MAP4K5: variants seen among roughly 807,000 people sequenced by gnomAD.
The protein encoded by MAP4K5 is mitogen-activated protein kinase kinase kinase kinase 5, also known as MAPK/ERK kinase kinase kinase 5.
A neutral mutation model predicts 135.6 loss-of-function variants in MAP4K5; 82 were observed. The observed-to-expected ratio is 0.60, with a 90% CI of 0.51 to 0.73. The LOEUF (loss-of-function observed/expected upper bound fraction) is 0.73. Among genes scored for constraint, MAP4K5 ranks in the 30% least tolerant of loss-of-function variants. The pLI is 0.00. For missense variants in MAP4K5, 907 were observed against 1,010.9 expected, an observed-to-expected ratio of 0.90 and a Z score of 1.39; for synonymous variants, 347 against 335.0, an observed-to-expected ratio of 1.04 and a Z score of -0.39.
chr14:50,423,312 T>C (rs2035774186), intron 31 of MAP4K5, 136 bp from the exon 32 acceptor site: 1 of 519,978 alleles, frequency 1.9e-6, no homozygotes, highest in African/African-American at 1.9e-5. Context: ...AAAGAAATTT[T>C]AGTAAGTTTT....
chr14:50,523,323 T>C (rs1374877638), intron 2 of MAP4K5, among the ~76,000 whole-genome samples: 1 of 151,286 alleles, frequency 6.6e-6, no homozygotes, highest in Non-Finnish European at 1.5e-5. Flanking sequence ...AAAAAAAAAA[T>C]CATAAATAAA....
intron 28 of MAP4K5, 51 bp from the exon 29 acceptor site, chr14:50,429,311 TAGAAA>T: frequency 9.2e-7 from 1 of 1,083,920 alleles, no homozygotes; most frequent in Non-Finnish European, 1.3e-6. Flanking sequence ...ACCTAGAGCC[TAGAAA>T]ATAAACATAA....
chr14:50,546,892 G>A (rs1344680865), intron 1 of MAP4K5, among the ~76,000 whole-genome samples: 2 of 151,958 alleles, frequency 1.3e-5, no homozygotes, highest in Admixed American at 6.6e-5. Flanking sequence ...GAACATGCAG[G>A]TTTGTTACAT....
At chr14:50,501,801 C>T (rs891351510) in intron 3 of MAP4K5, among the ~76,000 whole-genome samples, 2 of 152,124 alleles carry the variant, frequency 1.3e-5, no homozygotes, top group Non-Finnish European at 2.9e-5. Context: ...ACTGAAGCCA[C>T]TGACCAATAT....
At chr14:50,462,442 A>T (rs746639928) in intron 13 of MAP4K5, among the ~76,000 whole-genome samples, 15 of 152,248 alleles carry the variant, frequency 9.9e-5, no homozygotes, top group Non-Finnish European at 1.9e-4. Flanking sequence ...CCTAGTTCTA[A>T]GGAGAACTAG....
chr14:50,533,074 G>C (rs1188164463), upstream of MAP4K5: 4 of 152,352 alleles, frequency 2.6e-5, no homozygotes, highest in East Asian at 7.7e-4. Context: ...ACCGATCCCG[G>C]TGGTACCAGT....
intron 3 of MAP4K5, among the ~76,000 whole-genome samples, chr14:50,489,056 C>T (rs2037427731): frequency 6.6e-6 from 1 of 152,168 alleles, no homozygotes; most frequent in African/African-American, 2.4e-5. Context: ...ATTCTTTTAA[C>T]TGGGTGATAC....
At chr14:50,474,267 G>A (rs539455033) in intron 9 of MAP4K5, among the ~76,000 whole-genome samples, 82 of 152,060 alleles carry the variant, frequency 5.4e-4, no homozygotes, top group Non-Finnish European at 7.9e-4. Flanking sequence ...TTGCATGCCT[G>A]TAGTCTCAGC....
chr14:50,537,568 C>T (rs1261199280), upstream of MAP4K5, among the ~76,000 whole-genome samples: 1 of 152,212 alleles, frequency 6.6e-6, no homozygotes, highest in African/African-American at 2.4e-5. Context: ...GCTGCAGACA[C>T]TCAACATGGC....
rs188044535 is a variant in MAP4K5, at chr14:50,484,659, C to T, written c.322+919G>A. On this transcript the variant is annotated intron_variant, in intron 5 of 32. Transcript: ENST00000682126. ...TGAAGTAACTTCATCTTTTTAAGTG[C>T]CGCACAGTATTCCATATTACAGGTT... is the stretch of plus-strand genomic sequence containing the variant. 3.5e-3 allele frequency among the ~76,000 whole-genome samples: 535 copies of T among 152,222 alleles called. 5 individuals carry two copies. The highest frequency in any genetic ancestry group is 0.012 in the African/African-American group (507 of 41,534).
At position 50,426,064 on chromosome 14, in the gene MAP4K5, G is replaced by C; in HGVS notation, c.2327-87C>G. ...TCTCTACTTTTAATAAATAATATAAGCCTATTCAAGTGTCTAGTGCAAAAT... is the reference window on the plus strand; with the variant it reads ...TCTCTACTTTTAATAAATAATATAACCCTATTCAAGTGTCTAGTGCAAAAT... On this transcript the variant is annotated intron_variant, in intron 30 of 32. Transcript: ENST00000682126. 3 of 814,838 alleles carry C rather than the reference G, an allele frequency of 3.7e-6. No homozygotes were observed. The Middle Eastern group carries it at 7.3e-4, about 198-fold the overall frequency. The allele number at this position is 814,838 out of a possible 1,614,324, so 50.5% of individuals were successfully genotyped here. A position where few individuals can be genotyped will look rare whatever the true frequency, so the allele number is the denominator to read the frequency against.
chr14:50,502,074 T>C (rs1195259545), intron 3 of MAP4K5, among the ~76,000 whole-genome samples: 1 of 152,164 alleles, frequency 6.6e-6, no homozygotes, highest in African/African-American at 2.4e-5. Flanking sequence ...ATCACTCTAG[T>C]GGAAGATGAT....
In MAP4K5 at chr14:50,509,779, T is replaced by C. The variant is rs538216958; in HGVS notation, c.109-4922A>G. On this transcript the variant is annotated intron_variant, in intron 2 of 32. Transcript: ENST00000682126. Reference sequence around the variant, plus strand: ...TGCCTAAATGTCAGTACCCTGGTTTTCCCTCTTTCCCTATCCACCTAAGAG... The same window carrying C: ...TGCCTAAATGTCAGTACCCTGGTTTCCCCTCTTTCCCTATCCACCTAAGAG... 6.6e-5 allele frequency among the ~76,000 whole-genome samples: 10 copies of C among 152,098 alleles called. No individual in the cohort carries two copies. The South Asian group carries it at 2.1e-3, about 32-fold the overall frequency.
At chr14:50,515,399 T>C (rs1305777490) in intron 2 of MAP4K5, among the ~76,000 whole-genome samples, 1 of 152,164 alleles carries the variant, frequency 6.6e-6, no homozygotes, top group Non-Finnish European at 1.5e-5. Flanking sequence ...AGTCCTCCCA[T>C]TCCAGCCATT....
chr14:50,496,495 T>C (rs1272379397), intron 3 of MAP4K5, among the ~76,000 whole-genome samples: 1 of 151,964 alleles, frequency 6.6e-6, no homozygotes, highest in African/African-American at 2.4e-5. Flanking sequence ...CACACATATA[T>C]TATTATATAT....
At chr14:50,442,675 G>C (rs1391558210) in intron 21 of MAP4K5, 57 bp downstream of exon 21, 1 of 1,183,832 alleles carries the variant, frequency 8.4e-7, no homozygotes, top group East Asian at 2.4e-5. Flanking sequence ...TGATCATAAA[G>C]ATCTTTCCCA....
At chr14:50,489,243 G>A (rs541169436) in intron 3 of MAP4K5, among the ~76,000 whole-genome samples, 3 of 152,296 alleles carry the variant, frequency 2.0e-5, no homozygotes, top group Non-Finnish European at 2.9e-5. Context: ...AGCTACTCAG[G>A]AGGCTGAGGT....
chr14:50,560,457 A>C (rs1328868088), intron 1 of MAP4K5: 11 of 993,458 alleles, frequency 1.1e-5, no homozygotes, highest in Non-Finnish European at 1.7e-5. Context: ...GGGCGGAGGA[A>C]CCATGGCCGA....
Position 50,505,027 on chromosome 14 carries a change from T to C in MAP4K5, c.109-170A>G, listed in dbSNP as rs370544917. On this transcript the variant is annotated intron_variant, in intron 2 of 32. Coordinates refer to ENST00000682126, the MANE Select transcript of MAP4K5 (RefSeq NM_006575.6). The stretch of plus-strand genomic sequence containing the variant: ...CTCATTTTCCCATTAAAGAAAAATA[T>C]AGATAAGACACAAAAGTGTTTAAAA... 954 of 490,244 alleles carry C rather than the reference T, an allele frequency of 1.9e-3. 19 individuals are homozygous for C. In the South Asian group the frequency reaches 0.031, roughly 16 times the overall value. The allele number at this position is 490,244 out of a possible 1,614,324, so 30.4% of individuals were successfully genotyped here.
Sources: allele counts gnomAD v4.1 joint callset (sites outside exome capture counted in the v4.1 genomes callset), GRCh38; gene constraint gnomAD v4.1.1; transcripts MANE v1.5; gene names NCBI Gene and HGNC (gene_info 2026-07-23, HGNC 2026-07-21).